The following MB21D2 variants were observed in gnomAD, a reference collection of about 807,000 sequenced individuals.
MB21D2 encodes nucleotidyltransferase MB21D2.
Under a neutral mutation model 33.3 loss-of-function variants are expected in MB21D2, and 9 were observed. The observed-to-expected ratio is 0.27, with a 90% CI of 0.16 to 0.47. The LOEUF (loss-of-function observed/expected upper bound fraction) is 0.47, where lower values mean the gene tolerates loss of function less well. MB21D2 is among the 20% of genes least tolerant of loss of function. The probability of loss-of-function intolerance (pLI) is 0.99; values close to 1 mark genes in which losing one functional copy is unlikely to be tolerated. For missense variants in MB21D2, 540 were observed against 624.6 expected (o/e 0.86, Z 1.44); for synonymous variants, 241 against 236.3 (o/e 1.02, Z -0.18).
intron 1 of MB21D2, among the ~76,000 whole-genome samples, chr3:192,887,090 C>T (rs139132091): frequency 0.011 from 1,652 of 152,206 alleles, 37 homozygotes; most frequent in African/African-American, 0.03. Flanking sequence ...CCAAATTCTT[C>T]GGTTTCTTTG....
intron 1 of MB21D2, among the ~76,000 whole-genome samples, chr3:192,817,012 A>G (rs1007396135): frequency 6.6e-6 from 1 of 152,222 alleles, no homozygotes; most frequent in Non-Finnish European, 1.5e-5. Context: ...TTAAAATCAC[A>G]TTCTGTTCAC....
intron 1 of MB21D2, among the ~76,000 whole-genome samples, chr3:192,811,147 A>G (rs969217039): frequency 2.0e-5 from 3 of 152,198 alleles, no homozygotes; most frequent in African/African-American, 7.2e-5. Flanking sequence ...GAATCAGTAG[A>G]TAAATGCCCT....
At chr3:192,816,812 G>A (rs1394857873) in intron 1 of MB21D2, among the ~76,000 whole-genome samples, 1 of 152,052 alleles carries the variant, frequency 6.6e-6, no homozygotes, top group East Asian at 1.9e-4. Flanking sequence ...TTAGCTTCAT[G>A]ATTTATTAGC....
At position 192,798,551 on chromosome 3, in the gene MB21D2, G is replaced by A. The variant is rs145909898; in HGVS notation, c.1311C>T (p.Ile437=). ...CCCCTCCGTCAGACTGTGGAGAGGG[G>A]ATGCTGGTGGTGCTACCTCGCCTCT... ...ELQRRGSTTS[I]PSPQSDGGDP... is the part of the protein sequence containing the mutation. Residue 437 remains isoleucine (I), a synonymous_variant, in exon 2 of 2, where the codon ATC becomes ATT. Transcript: ENST00000392452. This position sits in a 1 kb window ranked among gnomAD's most constrained non-coding sequence, Gnocchi z 4.8. The A allele has an allele frequency of 6.2e-7, 1 of 1,614,210 alleles. No individual in the cohort carries two copies. The highest frequency in any genetic ancestry group is 8.5e-7 in the Non-Finnish European group (1 of 1,180,048).
intron 1 of MB21D2, among the ~76,000 whole-genome samples, chr3:192,908,279 C>A (rs1010282873): frequency 6.6e-6 from 1 of 152,124 alleles, no homozygotes; most frequent in Admixed American, 6.6e-5. Flanking sequence ...ATGTGCATGA[C>A]CCCCTGGGTG....
chr3:192,911,014 G>A (rs1714340831), intron 1 of MB21D2, among the ~76,000 whole-genome samples: 1 of 152,208 alleles, frequency 6.6e-6, no homozygotes, highest in African/African-American at 2.4e-5. Flanking sequence ...TTTAGAAACT[G>A]AGGCTTAAAG....
chr3:192,897,995 C>G (rs1222668990), intron 1 of MB21D2, among the ~76,000 whole-genome samples: 1 of 151,904 alleles, frequency 6.6e-6, no homozygotes, highest in Non-Finnish European at 1.5e-5. Flanking sequence ...AGGACCAATA[C>G]TAATAGCTGG....
intron 1 of MB21D2, among the ~76,000 whole-genome samples, chr3:192,870,306 A>T (rs976857544): frequency 1.2e-4 from 19 of 152,208 alleles, no homozygotes; most frequent in African/African-American, 4.6e-4. Context: ...TAAATAAGCC[A>T]GAAACATTTA....
At chr3:192,862,306 C>T (rs994258442) in intron 1 of MB21D2, among the ~76,000 whole-genome samples, 1 of 152,114 alleles carries the variant, frequency 6.6e-6, no homozygotes, top group Non-Finnish European at 1.5e-5. Context: ...CCAGGAGCAC[C>T]ATCTTAAAAC....
chr3:192,832,064 C>T (rs947092695), intron 1 of MB21D2, among the ~76,000 whole-genome samples: 2 of 152,204 alleles, frequency 1.3e-5, no homozygotes, highest in Non-Finnish European at 2.9e-5. Context: ...CAGCAGTGTT[C>T]CTTAAACCTG....
rs147387631 is a variant in MB21D2, at chr3:192,910,054, C to T, written c.211+7576G>A. Among the ~76,000 whole-genome samples, 3 of 147,888 alleles carry T rather than the reference C, an allele frequency of 2.0e-5. No individual in the cohort carries two copies. In the East Asian group the frequency reaches 6.0e-4, roughly 30 times the overall value. Reference sequence around the variant, plus strand: ...GTGTATGTTACATGACAATGTAGAACATGCAGAGACAGGAGGCGGCATGGA... The same window carrying T: ...GTGTATGTTACATGACAATGTAGAATATGCAGAGACAGGAGGCGGCATGGA... On this transcript the variant is annotated intron_variant, in intron 1 of 1. Transcript: ENST00000392452.
At chr3:192,853,395 G>C (rs1042470411) in intron 1 of MB21D2, among the ~76,000 whole-genome samples, 8 of 152,114 alleles carry the variant, frequency 5.3e-5, no homozygotes, top group African/African-American at 1.9e-4. Context: ...TTTTATCACT[G>C]GACACCTATG....
intron 1 of MB21D2, among the ~76,000 whole-genome samples, chr3:192,900,724 C>T (rs1024546717): frequency 7.2e-5 from 11 of 152,168 alleles, no homozygotes; most frequent in South Asian, 2.1e-4. Context: ...GAGCAGAGCA[C>T]GAGGTCAGGA....
At chr3:192,889,250 T>C (rs756434757) in intron 1 of MB21D2, among the ~76,000 whole-genome samples, 8 of 152,086 alleles carry the variant, frequency 5.3e-5, no homozygotes, top group Non-Finnish European at 8.8e-5. Flanking sequence ...TAAGATGGTT[T>C]TGGGGCTGGA....
At chr3:192,915,614 T>C (rs932839148) in intron 1 of MB21D2, among the ~76,000 whole-genome samples, 1 of 152,126 alleles carries the variant, frequency 6.6e-6, no homozygotes, top group African/African-American at 2.4e-5. Flanking sequence ...GTCAACTGGG[T>C]AAAAAGGAAT....
At chr3:192,841,437 CTT>C (rs1251554563) in intron 1 of MB21D2, among the ~76,000 whole-genome samples, 1 of 152,222 alleles carries the variant, frequency 6.6e-6, no homozygotes, top group African/African-American at 2.4e-5. Context: ...CAATCTTAGT[CTT>C]TTGTCTGTCT....
chr3:192,893,008 C>T (rs746350146), intron 1 of MB21D2, among the ~76,000 whole-genome samples: 36 of 152,102 alleles, frequency 2.4e-4, no homozygotes, highest in Non-Finnish European at 4.4e-4. Context: ...TTAATTTGCA[C>T]GACAATATTT....
At chr3:192,825,200 G>A (rs1712149062) in intron 1 of MB21D2, among the ~76,000 whole-genome samples, 1 of 152,304 alleles carries the variant, frequency 6.6e-6, no homozygotes, top group South Asian at 2.1e-4. Flanking sequence ...GGGGTGCGGT[G>A]GTGCTATCAT....
intron 1 of MB21D2, among the ~76,000 whole-genome samples, chr3:192,828,332 T>C (rs1045907632): frequency 2.0e-5 from 3 of 151,384 alleles, no homozygotes; most frequent in Non-Finnish European, 4.4e-5. Flanking sequence ...CAGTGACGCA[T>C]GGAGAAATGA....
Sources: gnomAD v4.1 joint callset for allele counts (sites outside exome capture counted in the v4.1 genomes callset) on GRCh38, gnomAD v4.1.1 for gene constraint, Gnocchi (gnomAD v3.1) non-coding constraint, MANE v1.5 for transcripts, NCBI Gene and HGNC (gene_info 2026-07-23, HGNC 2026-07-21) for gene names.